Variants in ST6GALNAC3 observed in about 807,000 individuals in gnomAD.
ST6GALNAC3 encodes the protein alpha-N-acetylgalactosaminide alpha-2,6-sialyltransferase 3.
Under a neutral mutation model 32.7 loss-of-function variants are expected in ST6GALNAC3, and 25 were observed. The ratio of observed to expected loss-of-function variants is 0.76; its 90% confidence interval spans 0.56 to 1.07. The LOEUF is 1.07. ST6GALNAC3 is among the 50% of genes least tolerant of loss of function. The probability of loss-of-function intolerance (pLI) is 0.00; values close to 1 mark genes in which losing one functional copy is unlikely to be tolerated. For missense variants in ST6GALNAC3, 355 were observed against 382.4 expected, an observed-to-expected ratio of 0.93 and a Z score of 0.60; for synonymous variants, 129 against 133.1, an observed-to-expected ratio of 0.97 and a Z score of 0.21.
intron 1 of ST6GALNAC3, among the ~76,000 whole-genome samples, chr1:76,119,375 TTACTC>T (rs1416981654): frequency 6.6e-6 from 1 of 152,228 alleles, no homozygotes; most frequent in Non-Finnish European, 1.5e-5. Flanking sequence ...TGCTAAATAT[TTACTC>T]TATAATGGTC....
intron 3 of ST6GALNAC3, among the ~76,000 whole-genome samples, chr1:76,478,343 T>A (rs1187326654): frequency 6.6e-6 from 1 of 152,240 alleles, no homozygotes; most frequent in Non-Finnish European, 1.5e-5. Flanking sequence ...GTTACTCTAC[T>A]GTATGGTGGA....
At chr1:76,485,234 C>T (rs1258378856) in intron 3 of ST6GALNAC3, among the ~76,000 whole-genome samples, 1 of 152,188 alleles carries the variant, frequency 6.6e-6, no homozygotes, top group Non-Finnish European at 1.5e-5. Flanking sequence ...ATGCTGGCCT[C>T]ATAAAATGAG....
chr1:76,258,968 G>A (rs1352837458), intron 1 of ST6GALNAC3, among the ~76,000 whole-genome samples: 3 of 152,126 alleles, frequency 2.0e-5, no homozygotes, highest in Non-Finnish European at 4.4e-5. Context: ...ACTCTTAAAC[G>A]CTTTCAAATG....
At chr1:76,316,620 G>T (rs534126406) in intron 2 of ST6GALNAC3, among the ~76,000 whole-genome samples, 28 of 152,148 alleles carry the variant, frequency 1.8e-4, no homozygotes, top group African/African-American at 6.5e-4. Context: ...TATTATGAAA[G>T]GGGGTCTAGC....
intron 1 of ST6GALNAC3, among the ~76,000 whole-genome samples, chr1:76,224,366 C>A (rs1003009493): frequency 6.6e-6 from 1 of 152,110 alleles, no homozygotes; most frequent in Non-Finnish European, 1.5e-5. Context: ...AAGGTACTGG[C>A]CCAGAGTAAA....
intron 1 of ST6GALNAC3, among the ~76,000 whole-genome samples, chr1:76,239,021 G>C (rs2100660585): frequency 6.6e-6 from 1 of 151,472 alleles, no homozygotes; most frequent in Admixed American, 6.6e-5. Context: ...AAAAGCAAGG[G>C]GCTGCTGGGC....
intron 1 of ST6GALNAC3, among the ~76,000 whole-genome samples, chr1:76,075,464 T>G (rs1021460624): frequency 5.3e-5 from 8 of 152,220 alleles, no homozygotes; most frequent in African/African-American, 1.9e-4. Flanking sequence ...GATGTATATG[T>G]TAGTAGAGAA....
At chr1:76,458,728 A>C (rs1489863624) in intron 3 of ST6GALNAC3, among the ~76,000 whole-genome samples, 2 of 101,302 alleles carry the variant, frequency 2.0e-5, no homozygotes, top group Middle Eastern at 6.1e-3. Context: ...CACTCTGGGG[A>C]CTGTTGTGGG....
intron 2 of ST6GALNAC3, among the ~76,000 whole-genome samples, chr1:76,343,967 A>G (rs903142702): frequency 6.6e-6 from 1 of 152,232 alleles, no homozygotes; most frequent in Non-Finnish European, 1.5e-5. Flanking sequence ...GATGTCAGGC[A>G]TTGAGCAAAG....
intron 3 of ST6GALNAC3, among the ~76,000 whole-genome samples, chr1:76,542,799 G>A (rs56779412): frequency 0.015 from 2,233 of 152,170 alleles, 57 homozygotes; most frequent in African/African-American, 0.045. Context: ...GACTCATTAC[G>A]GACAATGGTC....
intron 2 of ST6GALNAC3, among the ~76,000 whole-genome samples, chr1:76,366,281 C>G (rs539266637): frequency 6.6e-6 from 1 of 152,216 alleles, no homozygotes; most frequent in East Asian, 1.9e-4. Flanking sequence ...CTTTTAGAAA[C>G]CTGATCTGAC....
chr1:76,299,234 C>T (rs1163842559), intron 1 of ST6GALNAC3, among the ~76,000 whole-genome samples: 1 of 152,016 alleles, frequency 6.6e-6, no homozygotes, highest in African/African-American at 2.4e-5. Flanking sequence ...CGGCCTTTCT[C>T]TTCTTGCTGC....
At chr1:76,430,677 G>A (rs543928108) in intron 3 of ST6GALNAC3, among the ~76,000 whole-genome samples, 1 of 152,114 alleles carries the variant, frequency 6.6e-6, no homozygotes, top group Non-Finnish European at 1.5e-5. Context: ...GTACAGGCTA[G>A]TTTGGCTGCT....
chr1:76,132,461 A>C (rs1310651569), intron 1 of ST6GALNAC3, among the ~76,000 whole-genome samples: 1 of 152,094 alleles, frequency 6.6e-6, no homozygotes, highest in African/African-American at 2.4e-5. Context: ...GAGGTCCTTC[A>C]TCTCTAATTT....
intron 1 of ST6GALNAC3, among the ~76,000 whole-genome samples, chr1:76,278,230 T>TC (rs1659288049): frequency 9.1e-6 from 1 of 109,896 alleles, no homozygotes; most frequent in South Asian, 2.5e-4. Context: ...ATTCTTTTTT[T>TC]TTTTTTTTGA....
chr1:76,100,942 G>A (rs560140334), intron 1 of ST6GALNAC3, among the ~76,000 whole-genome samples: 4 of 151,772 alleles, frequency 2.6e-5, no homozygotes, highest in East Asian at 1.9e-4. Flanking sequence ...TGCCCCATCC[G>A]TGCACAGCCT....
intron 3 of ST6GALNAC3, among the ~76,000 whole-genome samples, chr1:76,492,205 C>T (rs1310886841): frequency 2.6e-5 from 4 of 152,150 alleles, no homozygotes; most frequent in Middle Eastern, 3.4e-3. Context: ...GAAGGTCCAG[C>T]GAGTAGATGA....
In ST6GALNAC3 at chr1:76,352,756, C is replaced by T. The variant is rs114465038; in HGVS notation, c.213+38757C>T. Among the ~76,000 whole-genome samples the T allele has an allele frequency of 3.1e-3, 468 of 152,142 alleles. 3 individuals are homozygous for T. The highest frequency in any genetic ancestry group is 0.01 in the African/African-American group (430 of 41,504). On this transcript the variant is annotated intron_variant, in intron 2 of 4. Coordinates refer to ENST00000328299, the MANE Select transcript of ST6GALNAC3 (RefSeq NM_152996.4). ...ATCAGAATTAGGTACAGGCTCAAAACTGAATTTTTTTCTTCACATCTGTTC... is the reference window on the plus strand; with the variant it reads ...ATCAGAATTAGGTACAGGCTCAAAATTGAATTTTTTTCTTCACATCTGTTC...
At chr1:76,145,479 A>G (rs1345604823) in intron 1 of ST6GALNAC3, among the ~76,000 whole-genome samples, 4 of 152,170 alleles carry the variant, frequency 2.6e-5, no homozygotes, top group African/African-American at 9.7e-5. Flanking sequence ...CTCAATCTGA[A>G]TCTTGACAAG....
Sources: gnomAD v4.1 joint callset for allele counts (sites outside exome capture counted in the v4.1 genomes callset) on GRCh38, gnomAD v4.1.1 for gene constraint, MANE v1.5 for transcripts, NCBI Gene and HGNC (gene_info 2026-07-23, HGNC 2026-07-21) for gene names.